Variants in TNFRSF21 observed in about 807,000 individuals in gnomAD.
TNFRSF21 encodes TNF receptor superfamily member 21.
A neutral mutation model predicts 45.6 loss-of-function variants in TNFRSF21; 19 were observed. The observed-to-expected ratio is 0.42, with a 90% confidence interval of 0.29 to 0.61. The LOEUF is 0.61. Ranked by LOEUF, TNFRSF21 falls within the 20% of genes least tolerant of loss-of-function variation. The probability of loss-of-function intolerance (pLI) is 0.23; values close to 1 mark genes in which losing one functional copy is unlikely to be tolerated. For missense variants in TNFRSF21, 737 were observed against 851.5 expected (o/e 0.87, Z 1.67); for synonymous variants, 314 against 335.5 (o/e 0.94, Z 0.70).
intron 1 of TNFRSF21, among the ~76,000 whole-genome samples, chr6:47,290,249 G>A (rs1296594889): frequency 1.3e-5 from 2 of 152,094 alleles, no homozygotes; most frequent in Non-Finnish European, 2.9e-5. Flanking sequence ...AGCGGTGGTC[G>A]GCGATGAATA....
chr6:47,309,095 G>A (rs1293280584), intron 1 of TNFRSF21, among the ~76,000 whole-genome samples: 2 of 152,150 alleles, frequency 1.3e-5, no homozygotes, highest in Non-Finnish European at 2.9e-5. Flanking sequence ...GGGAGCGCGA[G>A]GTAGGCCGAG....
At chr6:47,244,255 G>C (rs2281451) in intron 4 of TNFRSF21, among the ~76,000 whole-genome samples, 24,613 of 150,462 alleles carry the variant, frequency 0.16, 2,635 homozygotes, top group East Asian at 0.49. Flanking sequence ...ACCCGGGAGG[G>C]GGAGCTTGCA....
In TNFRSF21 at chr6:47,309,427, A is replaced by G; in HGVS notation, c.85T>C (p.Ser29Pro). 1 of 1,548,132 alleles carries G rather than the reference A, an allele frequency of 6.5e-7. No individual in the cohort carries two copies. Among genetic ancestry groups the G allele is most frequent in the Non-Finnish European group, 8.7e-7 (1 of 1,154,198 alleles). Residue 29 changes from serine (S) to proline (P), a missense_variant, in exon 1 of 6, where the codon TCC (serine) becomes CCC (proline). Physicochemically the swap from Ser to Pro is moderately conservative, Grantham distance 74. Transcript: ENST00000296861. ...RRATATMIAG[S>P]LLLLGFLSTT... ...ACGCAAGCGCTCACCAGGAGAAGGG[A>G]GCCCGCGATCATCGTGGCTGTGGCT...
intron 3 of TNFRSF21, among the ~76,000 whole-genome samples, chr6:47,262,812 G>A (rs376989870): frequency 1.5e-3 from 223 of 152,258 alleles, no homozygotes; most frequent in African/African-American, 4.8e-3. Context: ...AAGAGGAGTC[G>A]CAGAGAGAGA....
chr6:47,252,440 G>A (rs997432010), intron 4 of TNFRSF21, among the ~76,000 whole-genome samples: 3 of 152,130 alleles, frequency 2.0e-5, no homozygotes, highest in Non-Finnish European at 2.9e-5. Flanking sequence ...GGCCTTTCAG[G>A]GAAGTACATA....
chr6:47,304,698 G>T (rs1348901224), intron 1 of TNFRSF21, among the ~76,000 whole-genome samples: 1 of 152,168 alleles, frequency 6.6e-6, no homozygotes, highest in Non-Finnish European at 1.5e-5. Flanking sequence ...GCCTTTTCAA[G>T]CCTCCCTTTT....
chr6:47,257,851 G>A (rs1012900220), intron 3 of TNFRSF21, among the ~76,000 whole-genome samples: 18 of 152,184 alleles, frequency 1.2e-4, no homozygotes, highest in Middle Eastern at 3.4e-3. Context: ...CAATTTTGTT[G>A]GCAAGGAAAT....
At chr6:47,261,499 C>T (rs1765073433) in intron 3 of TNFRSF21, among the ~76,000 whole-genome samples, 1 of 152,176 alleles carries the variant, frequency 6.6e-6, no homozygotes, top group Non-Finnish European at 1.5e-5. Context: ...CCTGAGTGGC[C>T]CCAGGCCCAC....
chr6:47,243,195 G>A (rs1764772446), intron 4 of TNFRSF21, among the ~76,000 whole-genome samples: 1 of 152,126 alleles, frequency 6.6e-6, no homozygotes, highest in Non-Finnish European at 1.5e-5. Flanking sequence ...CTTAACCTCT[G>A]ACTTCCAAGT....
intron 3 of TNFRSF21, among the ~76,000 whole-genome samples, chr6:47,254,559 T>C (rs571057186): frequency 6.6e-4 from 100 of 152,322 alleles, no homozygotes; most frequent in African/African-American, 2.3e-3. Flanking sequence ...AAATTAAAAC[T>C]GTAATGGACT....
chr6:47,251,851 C>G (rs545196685), intron 4 of TNFRSF21, among the ~76,000 whole-genome samples: 6 of 152,300 alleles, frequency 3.9e-5, no homozygotes, highest in African/African-American at 1.4e-4. Flanking sequence ...AATAATATTT[C>G]ACACCTAAAT....
intron 3 of TNFRSF21, among the ~76,000 whole-genome samples, chr6:47,262,414 G>T (rs534645722): frequency 3.3e-5 from 5 of 152,182 alleles, no homozygotes; most frequent in African/African-American, 1.2e-4. Context: ...TTTACTGAGC[G>T]TCTACTTTGT....
rs148190245 is a variant in TNFRSF21 at position 47,286,289 on chromosome 6, G to A, written c.403C>T (p.Pro135Ser). 2.2e-5 allele frequency: 36 copies of A among 1,614,116 alleles called. No individual in the cohort carries two copies. The highest frequency in any genetic ancestry group is 3.0e-5 in the Non-Finnish European group (35 of 1,180,054). Residue 135 changes from proline (P) to serine (S), a missense_variant, in exon 2 of 6, where the codon CCT (proline) becomes TCT (serine). Coordinates refer to ENST00000296861, the MANE Select transcript of TNFRSF21 (RefSeq NM_014452.5). ...GTAGCGTTAGACTGGAACATGCCAG[G>A]TGGGCAAGTGCATTCTCGGTCAGTC... ...ALTDRECTCPPGMFQSNATCA... is the reference protein window; with the variant it reads ...ALTDRECTCPSGMFQSNATCA...
Position 47,285,989 on chromosome 6 carries a change from G to T in TNFRSF21, c.703C>A (p.His235Asn). 2 of 1,614,160 alleles carry T rather than the reference G, an allele frequency of 1.2e-6. No homozygotes were observed. The highest frequency in any genetic ancestry group is 1.7e-6 in the Non-Finnish European group (2 of 1,180,032). ...PGTAIFPRPE[H>N]METHEVPSST... is the part of the protein sequence containing the mutation. ...GAAGGGACTTCATGGGTTTCCATGTGCTCAGGGCGTGGAAAGATGGCTGTG... is the reference window on the plus strand; with the variant it reads ...GAAGGGACTTCATGGGTTTCCATGTTCTCAGGGCGTGGAAAGATGGCTGTG... Residue 235 changes from histidine to asparagine, a missense_variant, in exon 2 of 6, where the codon CAC becomes AAC. Transcript: ENST00000296861.
chr6:47,306,751 C>T lies in TNFRSF21; in HGVS notation c.96+2665G>A, dbSNP rs540911063. Among the ~76,000 whole-genome samples the T allele has an allele frequency of 4.1e-4, 63 of 152,080 alleles. 1 individual carries two copies. Among genetic ancestry groups the T allele is most frequent in the Non-Finnish European group, 8.5e-4 (58 of 67,974 alleles). ...AAAAGTCATAACACAAAAATGATGA[C>T]AATAAATATTATCACACAAAAAGGG... On this transcript the variant is annotated intron_variant, in intron 1 of 5. Transcript: ENST00000296861.
chr6:47,257,509 T>C (rs1765005262), intron 3 of TNFRSF21, among the ~76,000 whole-genome samples: 2 of 152,164 alleles, frequency 1.3e-5, no homozygotes, highest in South Asian at 4.1e-4. Context: ...AAAACCCCAG[T>C]GAGGAGACCA....
intron 3 of TNFRSF21, among the ~76,000 whole-genome samples, chr6:47,282,386 AAAAAAAAAT>A (rs1014101750): frequency 1.1e-4 from 14 of 132,328 alleles, no homozygotes; most frequent in African/African-American, 5.9e-4. Context: ...TTCTGTCTCA[AAAAAAAAAT>A]AAAAAAAAAA....
intron 3 of TNFRSF21, among the ~76,000 whole-genome samples, chr6:47,257,639 G>T (rs1765007332): frequency 6.6e-6 from 1 of 152,210 alleles, no homozygotes; most frequent in South Asian, 2.1e-4. Context: ...TCTTTGGGGA[G>T]GGGGAAGGAG....
At chr6:47,258,390 T>C (rs1244585934) in intron 3 of TNFRSF21, among the ~76,000 whole-genome samples, 1 of 146,820 alleles carries the variant, frequency 6.8e-6, no homozygotes, top group Non-Finnish European at 1.5e-5. Flanking sequence ...AAAATAAAAG[T>C]AATTGTGGTT....
Sources: gnomAD v4.1 joint callset for allele counts (sites outside exome capture counted in the v4.1 genomes callset) on GRCh38, gnomAD v4.1.1 for gene constraint, MANE v1.5 for transcripts, NCBI Gene and HGNC (gene_info 2026-07-23, HGNC 2026-07-21) for gene names.